Variants in ACACB observed in about 807,000 individuals in gnomAD.
The protein encoded by ACACB is acetyl-CoA carboxylase 2.
In ACACB, 209 loss-of-function variants were observed where a neutral mutation model predicts 278.8. That is an observed-to-expected ratio of 0.75 (90% CI 0.67 to 0.84). The LOEUF (loss-of-function observed/expected upper bound fraction) is 0.84, where lower values mean the gene tolerates loss of function less well. Ranked by LOEUF, ACACB falls within the 40% of genes least tolerant of loss-of-function variation. The probability of loss-of-function intolerance (pLI) is 0.00; values close to 1 mark genes in which losing one functional copy is unlikely to be tolerated. For synonymous variants in ACACB, 1,174 were observed against 1,285.6 expected, an observed-to-expected ratio of 0.91 and a Z score of 1.86; for missense variants, 2,850 against 3,269.0, an observed-to-expected ratio of 0.87 and a Z score of 3.13.
chr12:109,115,183 A>T (rs578246055), upstream of ACACB, among the ~76,000 whole-genome samples: 11 of 152,286 alleles, frequency 7.2e-5, no homozygotes, highest in African/African-American at 2.6e-4. Context: ...AATATAAATC[A>T]TTTCATTTTC....
rs1488318650 is a variant in ACACB, at chr12:109,216,833, G to A, written c.3477G>A (p.Gln1159=). The A allele has an allele frequency of 6.2e-7, 1 of 1,614,148 alleles. No individual in the cohort carries two copies. The highest frequency in any genetic ancestry group is 2.2e-5 in the East Asian group (1 of 44,878). The part of the protein sequence containing the change: ...YDKCVINLRE[Q]FKPDMSQVLD... ...AGTGTGTGATAAACCTCAGGGAGCAGTTCAAGCCAGACATGTCCCAGGTGC... is the reference window on the plus strand; with the variant it reads ...AGTGTGTGATAAACCTCAGGGAGCAATTCAAGCCAGACATGTCCCAGGTGC... Residue 1159 remains glutamine, a synonymous_variant, in exon 24 of 53, where the codon CAG becomes CAA. Transcript: ENST00000338432.
At chr12:109,138,508 A>T (rs1441918531) in intron 1 of ACACB, among the ~76,000 whole-genome samples, 1 of 152,130 alleles carries the variant, frequency 6.6e-6, no homozygotes, top group East Asian at 1.9e-4. Context: ...TAGAATGATG[A>T]TGATGATGAC....
intron 52 of ACACB, among the ~76,000 whole-genome samples, 188 bp from the exon 53 acceptor site, chr12:109,266,048 T>C (rs2047509138): frequency 6.6e-6 from 1 of 152,140 alleles, no homozygotes; most frequent in Non-Finnish European, 1.5e-5. Flanking sequence ...CGGTGGTGCC[T>C]CAAGGCATTC....
intron 34 of ACACB, among the ~76,000 whole-genome samples, chr12:109,238,178 C>G (rs1037520879): frequency 6.6e-6 from 1 of 150,936 alleles, no homozygotes; most frequent in African/African-American, 2.4e-5. Context: ...AATTCCGTCC[C>G]TGAAACCTAG....
intron 19 of ACACB, among the ~76,000 whole-genome samples, chr12:109,206,268 T>C (rs1404963620): frequency 6.6e-6 from 1 of 151,846 alleles, no homozygotes. Flanking sequence ...AACCTGTCTA[T>C]ACTAAAAATA....
chr12:109,210,182 T>TGTGTATATGTATATATGTATATAC lies in ACACB; in HGVS notation c.3249+829_3249+830insGTGTATATGTATATATGTATATAC, dbSNP rs2045711406. On this transcript the variant is annotated intron_variant, in intron 21 of 52. Transcript: ENST00000338432. The stretch of plus-strand genomic sequence containing the variant: ...GTGTGTATATGTATATATGTATATA[T>TGTGTATATGTATATATGTATATAC]ACACACGTGTGTATATGTATATATG... 8.8e-5 allele frequency among the ~76,000 whole-genome samples: 3 copies of TGTGTATATGTATATATGTATATAC among 34,138 alleles called. 1 individual carries two copies. Among genetic ancestry groups the TGTGTATATGTATATATGTATATAC allele is most frequent in the Admixed American group, 6.4e-4 (2 of 3,110 alleles). The allele number at this position is 34,138 out of a possible 152,430, so 22.4% of individuals were successfully genotyped here.
intron 3 of ACACB, 61 bp from the exon 4 acceptor site, chr12:109,167,835 C>T (rs1303204262): frequency 5.0e-6 from 8 of 1,611,122 alleles, no homozygotes; most frequent in African/African-American, 1.3e-5. Context: ...CTCGGGGTAG[C>T]ACGTGGCCCC....
At chr12:109,235,207 A>G in intron 31 of ACACB, 106 bp from the exon 32 acceptor site, 1 of 937,432 alleles carries the variant, frequency 1.1e-6, no homozygotes, top group Non-Finnish European at 1.7e-6. Context: ...GACATCTTCC[A>G]CTTAGCATAA....
Position 109,254,247 on chromosome 12 carries a change from A to G in ACACB, c.6079A>G (p.Thr2027Ala). The G allele has an allele frequency of 6.2e-7, 1 of 1,613,532 alleles. No individual in the cohort carries two copies. The change falls in exon 44 of 53, where the codon ACT becomes GCT. Residue 2027 changes from threonine to alanine, a missense_variant. Thr to Ala is a moderately conservative substitution (Grantham distance 58). Around this residue, in one of 3 missense-constraint regions of ACACB, gnomAD observed 579 missense variants for 684.6 expected, o/e 0.85. Transcript: ENST00000338432. ...NHSPVPIITP[T>A]DPIDREIEFL... The stretch of plus-strand genomic sequence containing the variant: ...CAGCCCTGTCCCTATCATCACACCC[A>G]CTGACCCCATTGACAGAGAAATTGA...
At chr12:109,227,578 G>A in intron 28 of ACACB, 89 bp downstream of exon 28, 3 of 1,258,354 alleles carry the variant, frequency 2.4e-6, no homozygotes, top group Middle Eastern at 1.9e-4. Flanking sequence ...TGGCAAGTGT[G>A]TTTGGGCACG....
Position 109,209,312 on chromosome 12 carries a change from A to G in ACACB, c.3208A>G (p.Ser1070Gly). The change falls in exon 21 of 53, where the codon AGC (serine) becomes GGC (glycine). Residue 1070 changes from serine to glycine, a missense_variant. This residue lies in a region of ACACB where 2,265 missense variants were observed against 2,561.3 expected (regional missense o/e 0.88). Transcript: ENST00000338432. ...SVRRVMAQYA[S>G]NITSVLCQFP... ...CCGCAGGGTGATGGCCCAGTATGCC[A>G]GCAACATCACCTCGGTGCTGTGCCA... is the stretch of plus-strand genomic sequence containing the variant. 1 of 1,612,606 alleles carries G rather than the reference A, an allele frequency of 6.2e-7. No homozygotes were observed. Among genetic ancestry groups the G allele is most frequent in the Non-Finnish European group, 8.5e-7 (1 of 1,179,994 alleles).
intron 44 of ACACB, among the ~76,000 whole-genome samples, chr12:109,255,723 G>T (rs545219219): frequency 2.6e-5 from 4 of 152,292 alleles, no homozygotes; most frequent in Admixed American, 2.0e-4. Context: ...CAATTAAGTG[G>T]TTATGAAGCT....
At chr12:109,185,769 C>G in intron 12 of ACACB, 29 bp downstream of exon 12, 6 of 1,588,628 alleles carry the variant, frequency 3.8e-6, no homozygotes, top group Non-Finnish European at 5.2e-6. Flanking sequence ...TGTGTTTCCA[C>G]CATCTCAGAT....
At position 109,139,825 on chromosome 12, in the gene ACACB, G is replaced by A; in HGVS notation, c.420G>A (p.Gln140=). The change falls in exon 2 of 53, where the codon CAG becomes CAA. Residue 140 remains glutamine (Q), a synonymous_variant. Coordinates refer to ENST00000338432, the MANE Select transcript of ACACB (RefSeq NM_001093.4). ...GCCTGTCCTCCTCAGCCAGGCCCCA[G>A]GGCCAGCAAGCTGGCTCCCCCTCCA... The part of the protein sequence containing the change: ...TNGLSSSARP[Q]GQQAGSPSKE... 1 of 1,614,192 alleles carries A rather than the reference G, an allele frequency of 6.2e-7. No homozygotes were observed. Among genetic ancestry groups the A allele is most frequent in the Non-Finnish European group, 8.5e-7 (1 of 1,180,018 alleles).
chr12:109,218,700 C>A (rs1482079774), intron 24 of ACACB, among the ~76,000 whole-genome samples: 2 of 146,674 alleles, frequency 1.4e-5, no homozygotes, highest in Non-Finnish European at 3.0e-5. Context: ...GTCGCCCAGG[C>A]TGGGGTGCAA....
At chr12:109,157,987 T>C (rs1365561305) in intron 2 of ACACB, among the ~76,000 whole-genome samples, 1 of 152,208 alleles carries the variant, frequency 6.6e-6, no homozygotes, top group Non-Finnish European at 1.5e-5. Context: ...TCAGGGGTTT[T>C]CACTCTTGGC....
rs1475560239 is a variant in ACACB at position 109,139,572 on chromosome 12, A to G, written c.167A>G (p.Glu56Gly). ...EPFPASDNSG[E>G]TPQRNGEGHT... is the part of the protein sequence containing the mutation. The stretch of plus-strand genomic sequence containing the variant: ...TTTCCAGCCTCTGATAACTCAGGGG[A>G]GACACCGCAGAGAAATGGGGAGGGC... The change falls in exon 2 of 53, where the codon GAG becomes GGG. Residue 56 changes from glutamate to glycine, a missense_variant. Coordinates refer to ENST00000338432, the MANE Select transcript of ACACB (RefSeq NM_001093.4). 2 of 1,614,028 alleles carry G rather than the reference A, an allele frequency of 1.2e-6. No homozygotes were observed. Among genetic ancestry groups the G allele is most frequent in the Non-Finnish European group, 1.7e-6 (2 of 1,179,996 alleles).
chr12:109,224,796 A>C (rs142036194), intron 27 of ACACB, among the ~76,000 whole-genome samples: 1 of 152,060 alleles, frequency 6.6e-6, no homozygotes, highest in African/African-American at 2.4e-5. Flanking sequence ...CCTCCCAATA[A>C]ATCTGCTGCC....
intron 11 of ACACB, among the ~76,000 whole-genome samples, chr12:109,181,694 G>A (rs1244861337): frequency 6.6e-6 from 1 of 152,026 alleles, no homozygotes; most frequent in Admixed American, 6.6e-5. Flanking sequence ...TGCTAGATTG[G>A]TAGTTCTACT....
Sources: allele counts gnomAD v4.1 joint callset (sites outside exome capture counted in the v4.1 genomes callset), GRCh38; gene constraint gnomAD v4.1.1; regional missense constraint gnomAD v4.1.1; transcripts MANE v1.5; gene names NCBI Gene and HGNC (gene_info 2026-07-23, HGNC 2026-07-21).